The following MSRA variants were observed in gnomAD, a reference collection of about 807,000 sequenced individuals.
MSRA encodes the protein mitochondrial peptide methionine sulfoxide reductase.
Under a neutral mutation model 31.3 loss-of-function variants are expected in MSRA, and 54 were observed. That is an observed-to-expected ratio of 1.73 (90% CI 1.39 to 2.17). The LOEUF (loss-of-function observed/expected upper bound fraction) is 2.17. Ranked by LOEUF, MSRA falls within the 30% of genes most tolerant of loss-of-function variation. The pLI is 0.00. For missense variants in MSRA, 507 were observed against 300.9 expected (o/e 1.69, Z -5.07); for synonymous variants, 169 against 116.5 (o/e 1.45, Z -2.90).
chr8:10,382,830 G>A (rs1806154700), intron 5 of MSRA, among the ~76,000 whole-genome samples: 1 of 152,224 alleles, frequency 6.6e-6, no homozygotes. Flanking sequence ...GTTGCAGCTT[G>A]AAATCACCCA....
At chr8:10,269,648 T>G (rs1344664717) in intron 3 of MSRA, among the ~76,000 whole-genome samples, 1 of 151,336 alleles carries the variant, frequency 6.6e-6, no homozygotes. Context: ...TTGTTGTTGT[T>G]TGTTTGTTTT....
chr8:10,296,210 G>A (rs369252484), intron 3 of MSRA, among the ~76,000 whole-genome samples: 2 of 152,180 alleles, frequency 1.3e-5, no homozygotes, highest in East Asian at 1.9e-4. Context: ...AAGAATGAAT[G>A]AATGGATAAA....
intron 3 of MSRA, among the ~76,000 whole-genome samples, chr8:10,281,091 T>G (rs2129106965): frequency 6.6e-6 from 1 of 152,294 alleles, no homozygotes; most frequent in Non-Finnish European, 1.5e-5. Flanking sequence ...TGGTAATGAT[T>G]ACCCAACTGT....
intron 5 of MSRA, among the ~76,000 whole-genome samples, chr8:10,407,757 G>T (rs944660557): frequency 6.6e-6 from 1 of 152,106 alleles, no homozygotes; most frequent in Non-Finnish European, 1.5e-5. Flanking sequence ...AATTGTCATT[G>T]GTCTAAACAC....
intron 1 of MSRA, among the ~76,000 whole-genome samples, chr8:10,060,749 G>C (rs764807402): frequency 7.3e-5 from 11 of 151,724 alleles, no homozygotes; most frequent in Non-Finnish European, 1.6e-4. Context: ...AAAATTTAGA[G>C]AGTGAAATCG....
chr8:10,413,929 C>A (rs1010031740), intron 5 of MSRA, among the ~76,000 whole-genome samples: 3 of 152,128 alleles, frequency 2.0e-5, no homozygotes, highest in Non-Finnish European at 4.4e-5. Flanking sequence ...CTTTGGGAGG[C>A]TGAGGCAGGA....
chr8:10,366,730 G>T (rs1805189900), intron 5 of MSRA, among the ~76,000 whole-genome samples: 2 of 152,170 alleles, frequency 1.3e-5, no homozygotes, highest in African/African-American at 4.8e-5. Context: ...ACTCCTCGTG[G>T]TCGGCGGCTG....
At chr8:10,272,249 T>C (rs117511305) in intron 3 of MSRA, among the ~76,000 whole-genome samples, 2,902 of 152,314 alleles carry the variant, frequency 0.019, 44 homozygotes, top group Non-Finnish European at 0.032. Context: ...TAGAGGTTAA[T>C]GTATTATAAA....
intron 1 of MSRA, among the ~76,000 whole-genome samples, chr8:10,158,486 T>G (rs1804362844): frequency 6.6e-6 from 1 of 152,358 alleles, no homozygotes; most frequent in East Asian, 1.9e-4. Flanking sequence ...TGTGGCCTAT[T>G]GGCTTCTTTC....
intron 3 of MSRA, among the ~76,000 whole-genome samples, chr8:10,295,437 C>G (rs1007018291): frequency 6.6e-6 from 1 of 152,158 alleles, no homozygotes; most frequent in Admixed American, 6.5e-5. Flanking sequence ...CTACACAGAC[C>G]ACGTGGGCCT....
chr8:10,082,371 C>G (rs1440508447), intron 1 of MSRA, among the ~76,000 whole-genome samples: 2 of 152,136 alleles, frequency 1.3e-5, no homozygotes, highest in Admixed American at 6.5e-5. Context: ...CTGGTTATTC[C>G]TGCTGCCAAG....
chr8:10,108,632 C>G (rs780104954), intron 1 of MSRA, among the ~76,000 whole-genome samples: 1 of 152,178 alleles, frequency 6.6e-6, no homozygotes, highest in Admixed American at 6.6e-5. Context: ...GAAGTTTGCA[C>G]GTAGAAACTT....
chr8:10,367,925 G>T (rs1805261230), intron 5 of MSRA, among the ~76,000 whole-genome samples: 1 of 152,240 alleles, frequency 6.6e-6, no homozygotes, highest in Non-Finnish European at 1.5e-5. Context: ...GTGGCAGAGA[G>T]GGTGTGCTCA....
chr8:10,054,575 T>G lies in MSRA; in HGVS notation c.59T>G (p.Val20Gly), dbSNP rs752946397. ...QLLLLHSLFP[V>G]PRMGNSASNI... ...CTCCTCCTCCACAGCCTCTTTCCCG[T>G]CCCGAGGATGGGCAACTCGGCCTCG... Residue 20 changes from valine (V) to glycine (G), a missense_variant, in exon 1 of 6, where the codon GTC becomes GGC. Physicochemically the swap from Val to Gly is moderately radical, Grantham distance 109. Coordinates refer to ENST00000317173, the MANE Select transcript of MSRA (RefSeq NM_012331.5). 1.3e-6 allele frequency: 2 copies of G among 1,586,046 alleles called. No homozygotes were observed. The highest frequency in any genetic ancestry group is 1.8e-5 in the Admixed American group (1 of 57,136).
At chr8:10,199,157 G>C (rs1808260513) in intron 1 of MSRA, among the ~76,000 whole-genome samples, 1 of 152,218 alleles carries the variant, frequency 6.6e-6, no homozygotes, top group Admixed American at 6.5e-5. Context: ...CTGGAGAAAT[G>C]GTTTCCATGC....
At chr8:10,413,076 C>T (rs1388016729) in intron 5 of MSRA, among the ~76,000 whole-genome samples, 3 of 152,210 alleles carry the variant, frequency 2.0e-5, no homozygotes, top group Non-Finnish European at 2.9e-5. Context: ...ACCTAAGTGG[C>T]CTTCAGTTGG....
At chr8:10,213,428 C>G (rs979352976) in intron 2 of MSRA, among the ~76,000 whole-genome samples, 1 of 120,696 alleles carries the variant, frequency 8.3e-6, no homozygotes, top group Admixed American at 8.9e-5. Context: ...ATGTACCACA[C>G]TTTCTTTTTT....
At chr8:10,309,316 C>T (rs917607668) in intron 4 of MSRA, among the ~76,000 whole-genome samples, 15 of 152,254 alleles carry the variant, frequency 9.9e-5, no homozygotes, top group South Asian at 4.1e-4. Context: ...CACACGGGCG[C>T]GGAGCCTGCC....
At chr8:10,313,252 A>C (rs4329276) in intron 4 of MSRA, among the ~76,000 whole-genome samples, 1 of 152,048 alleles carries the variant, frequency 6.6e-6, no homozygotes, top group East Asian at 1.9e-4. Context: ...TGCTAATGCC[A>C]AGGGAAACCT....
Sources: allele counts gnomAD v4.1 joint callset (sites outside exome capture counted in the v4.1 genomes callset), GRCh38; gene constraint gnomAD v4.1.1; transcripts MANE v1.5; gene names NCBI Gene and HGNC (gene_info 2026-07-23, HGNC 2026-07-21).